Variants in CSNK1G1 observed in about 807,000 individuals in gnomAD.
The protein encoded by CSNK1G1 is casein kinase I isoform gamma-1.
CSNK1G1 carries 22 observed loss-of-function variants against 59.6 expected under a neutral mutation model. That is an observed-to-expected ratio of 0.37 (90% CI 0.26 to 0.53). The LOEUF is 0.53. Among genes scored for constraint, CSNK1G1 ranks in the 20% least tolerant of loss-of-function variants. The probability of loss-of-function intolerance (pLI) is 0.89; values close to 1 mark genes in which losing one functional copy is unlikely to be tolerated. For synonymous variants in CSNK1G1, 179 were observed against 177.1 expected, an observed-to-expected ratio of 1.01 and a Z score of -0.08; for missense variants, 384 against 519.5, an observed-to-expected ratio of 0.74 and a Z score of 2.54.
intron 2 of CSNK1G1, among the ~76,000 whole-genome samples, chr15:64,267,109 T>G (rs1893025916): frequency 6.6e-6 from 1 of 151,642 alleles, no homozygotes; most frequent in African/African-American, 2.4e-5. Context: ...TACAAAAATT[T>G]AGCTGGGCGT....
Position 64,167,046 on chromosome 15 carries a change from TTG to T in CSNK1G1, c.*4883_*4884del, listed in dbSNP as rs1166004416. Reference sequence around the variant, plus strand: ...CAAATACCGGAAGTGGGTTTTCTGGTTGTGTTTTGAGAAAATATGTCAACTAC... The same window carrying T: ...CAAATACCGGAAGTGGGTTTTCTGGTTGTTTTGAGAAAATATGTCAACTAC... On this transcript the variant is annotated 3_prime_UTR_variant, in exon 12 of 12. Transcript: ENST00000303052. 1 of 152,222 alleles carries T rather than the reference TTG, an allele frequency of 6.6e-6. No homozygotes were observed. The highest frequency in any genetic ancestry group is 1.5e-5 in the Non-Finnish European group (1 of 68,040). The allele number at this position is 152,222 out of a possible 1,614,324, so 9.4% of individuals were successfully genotyped here.
chr15:64,313,769 G>C (rs1240553653), intron 1 of CSNK1G1, among the ~76,000 whole-genome samples: 4 of 82,164 alleles, frequency 4.9e-5, no homozygotes, highest in Admixed American at 2.6e-4. Flanking sequence ...TTAAAAGTAA[G>C]AAAAAAAATC....
At chr15:64,174,030 T>C (rs2081710569) in intron 11 of CSNK1G1, among the ~76,000 whole-genome samples, 1 of 152,224 alleles carries the variant, frequency 6.6e-6, no homozygotes, top group Admixed American at 6.5e-5. Context: ...CTTACCTCTT[T>C]TCTTCTGAAT....
intron 6 of CSNK1G1, among the ~76,000 whole-genome samples, chr15:64,213,202 C>T (rs72756937): frequency 0.044 from 6,714 of 151,822 alleles, 193 homozygotes; most frequent in South Asian, 0.083. Context: ...TCCATGGAAG[C>T]CCAATATATG....
At chr15:64,204,309 TAC>T in intron 9 of CSNK1G1, 130 bp downstream of exon 9, 1 of 712,322 alleles carries the variant, frequency 1.4e-6, no homozygotes, top group Non-Finnish European at 2.1e-6. Context: ...CTAGTAAATA[TAC>T]AGTCTACGAT....
intron 1 of CSNK1G1, among the ~76,000 whole-genome samples, chr15:64,323,791 G>A (rs535979673): frequency 6.6e-6 from 1 of 152,220 alleles, no homozygotes; most frequent in Non-Finnish European, 1.5e-5. Context: ...CTATAGCTAT[G>A]TGGAAATGCA....
intron 7 of CSNK1G1, among the ~76,000 whole-genome samples, chr15:64,205,247 A>G (rs1224560094): frequency 1.3e-5 from 2 of 152,140 alleles, no homozygotes; most frequent in Non-Finnish European, 2.9e-5. Context: ...TGTGGCCAAT[A>G]TTTTCAAAAT....
intron 2 of CSNK1G1, among the ~76,000 whole-genome samples, chr15:64,289,026 T>C (rs74412225): frequency 0.048 from 7,226 of 151,714 alleles, 179 homozygotes; most frequent in South Asian, 0.079. Context: ...AATACAAAAA[T>C]TAGCCGGCCG....
chr15:64,189,558 A>C, intron 10 of CSNK1G1: 5 of 915,930 alleles, frequency 5.5e-6, no homozygotes, highest in African/African-American at 1.7e-5. Flanking sequence ...CTGCTGATAT[A>C]AACAGCTGCA....
At position 64,165,889 on chromosome 15, in the gene CSNK1G1, C is replaced by G; in HGVS notation, c.*6042G>C. 1 of 502,538 alleles carries G rather than the reference C, an allele frequency of 2.0e-6. No homozygotes were observed. Among genetic ancestry groups the G allele is most frequent in the Non-Finnish European group, 3.5e-6 (1 of 285,392 alleles). The allele number at this position is 502,538 out of a possible 1,614,324, so 31.1% of individuals were successfully genotyped here. ...CTACTCTGAGATCACATATCAGAAC[C>G]CATTTTCCATTTTCTCCAAAGAAGG... On this transcript the variant is annotated 3_prime_UTR_variant, in exon 12 of 12. Transcript: ENST00000303052.
intron 2 of CSNK1G1, among the ~76,000 whole-genome samples, chr15:64,297,854 A>G (rs994832784): frequency 1.3e-5 from 2 of 152,178 alleles, no homozygotes; most frequent in Non-Finnish European, 2.9e-5. Context: ...GTAGTTTACA[A>G]TCTTCTCCTC....
At chr15:64,192,032 A>G (rs1769081305) in intron 10 of CSNK1G1, among the ~76,000 whole-genome samples, 1 of 152,248 alleles carries the variant, frequency 6.6e-6, no homozygotes, top group African/African-American at 2.4e-5. Context: ...GCAGTCTGCT[A>G]GTGTAACTCT....
At chr15:64,219,258 T>C (rs571302312) in intron 4 of CSNK1G1, among the ~76,000 whole-genome samples, 4 of 152,292 alleles carry the variant, frequency 2.6e-5, no homozygotes, top group Non-Finnish European at 5.9e-5. Flanking sequence ...TGCTGAGACA[T>C]CCAAAGCAGA....
At chr15:64,195,349 C>A (rs2082025181) in intron 10 of CSNK1G1, among the ~76,000 whole-genome samples, 1 of 152,126 alleles carries the variant, frequency 6.6e-6, no homozygotes. Context: ...CACATACCCA[C>A]AACAAAACCC....
At chr15:64,181,355 T>C (rs1272631443) in intron 10 of CSNK1G1, 2 of 1,536,096 alleles carry the variant, frequency 1.3e-6, no homozygotes, top group South Asian at 2.4e-5. Flanking sequence ...ACATTATTCC[T>C]GTTTATGTGG....
chr15:64,197,641 C>T (rs551175943), intron 10 of CSNK1G1, among the ~76,000 whole-genome samples: 12 of 152,284 alleles, frequency 7.9e-5, no homozygotes, highest in Non-Finnish European at 1.3e-4. Flanking sequence ...TCTAGACTCC[C>T]TCTACATCTC....
At chr15:64,280,814 G>C (rs1219714814) in intron 2 of CSNK1G1, among the ~76,000 whole-genome samples, 1 of 152,162 alleles carries the variant, frequency 6.6e-6, no homozygotes, top group African/African-American at 2.4e-5. Context: ...CCATTGATGA[G>C]TGAATGGCTA....
intron 4 of CSNK1G1, among the ~76,000 whole-genome samples, chr15:64,243,545 C>G (rs1270824332): frequency 6.6e-6 from 1 of 151,898 alleles, no homozygotes; most frequent in Non-Finnish European, 1.5e-5. Flanking sequence ...AAGTACTATC[C>G]AGAGCAAACA....
intron 4 of CSNK1G1, among the ~76,000 whole-genome samples, chr15:64,231,073 T>C (rs1251208090): frequency 6.6e-6 from 1 of 151,870 alleles, no homozygotes; most frequent in Non-Finnish European, 1.5e-5. Context: ...ACACCTGTAA[T>C]CTCAGCACTT....
Sources: gnomAD v4.1 joint callset for allele counts (sites outside exome capture counted in the v4.1 genomes callset) on GRCh38, gnomAD v4.1.1 for gene constraint, MANE v1.5 for transcripts, NCBI Gene and HGNC (gene_info 2026-07-23, HGNC 2026-07-21) for gene names.